Variants in DENND5B observed in about 807,000 individuals in gnomAD.
DENND5B encodes the protein DENN domain containing 5B, also known as DENN domain-containing protein 5B.
Under a neutral mutation model 140.6 loss-of-function variants are expected in DENND5B, and 34 were observed. The observed-to-expected ratio is 0.24, with a 90% CI of 0.18 to 0.32. The LOEUF (loss-of-function observed/expected upper bound fraction) is 0.32. DENND5B is among the 10% of genes least tolerant of loss of function. The pLI is 1.00. For missense variants in DENND5B, 1,142 were observed against 1,560.2 expected, an observed-to-expected ratio of 0.73 and a Z score of 4.52; for synonymous variants, 551 against 562.1, an observed-to-expected ratio of 0.98 and a Z score of 0.28.
intron 17 of DENND5B, 125 bp downstream of exon 17, chr12:31,398,050 A>C: frequency 2.1e-6 from 2 of 959,754 alleles, no homozygotes; most frequent in East Asian, 3.2e-5. Context: ...ATATTTATGA[A>C]TTTTCCTCAA....
At chr12:31,575,976 G>A (rs1180988187) in intron 1 of DENND5B, among the ~76,000 whole-genome samples, 3 of 150,138 alleles carry the variant, frequency 2.0e-5, no homozygotes, top group Non-Finnish European at 4.5e-5. Flanking sequence ...AAAACAGAAA[G>A]AAAGAAAGAA....
At chr12:31,574,295 A>AATAATAATAATAATAATAATAATAATT (rs374578025) in intron 1 of DENND5B, among the ~76,000 whole-genome samples, 40 of 144,594 alleles carry the variant, frequency 2.8e-4, no homozygotes, top group East Asian at 1.0e-3. Flanking sequence ...TAATAATAAT[A>AATAATAATAATAATAATAATAATAATT]ATTTAAAAGG....
At chr12:31,466,155 C>A (rs950408057) in intron 3 of DENND5B, among the ~76,000 whole-genome samples, 3 of 151,752 alleles carry the variant, frequency 2.0e-5, no homozygotes, top group East Asian at 1.9e-4. Flanking sequence ...GAGATCGAGA[C>A]CATCCTGGCC....
chr12:31,485,470 T>C (rs793173), intron 2 of DENND5B, among the ~76,000 whole-genome samples: 124,202 of 152,254 alleles, frequency 0.82, 50,989 homozygotes, highest in African/African-American at 0.89. Context: ...GTAATGGTTC[T>C]TATTTTGATT....
intron 1 of DENND5B, among the ~76,000 whole-genome samples, chr12:31,559,213 C>T (rs1386250368): frequency 1.3e-5 from 2 of 152,146 alleles, no homozygotes; most frequent in African/African-American, 4.8e-5. Flanking sequence ...AAACGATGAA[C>T]TCATGGCAAA....
chr12:31,463,640 C>T lies in DENND5B; in HGVS notation c.905-3259G>A, dbSNP rs114880893. 9.1e-3 allele frequency among the ~76,000 whole-genome samples: 1,379 copies of T among 152,222 alleles called. 21 individuals are homozygous for T. The highest frequency in any genetic ancestry group is 0.032 in the African/African-American group (1,336 of 41,540). On this transcript the variant is annotated intron_variant, in intron 3 of 20. Transcript: ENST00000389082. ...TTCCAGTTCTGTATTCTCTTCAAGA[C>T]TGGTTGAAGTACCACACACATTATT...
rs71062425 is a variant in DENND5B at position 31,404,759 on chromosome 12, C to CTTTTTTTTTTTTTTT, written c.2804-2131_2804-2117dup. ...ATAAGCCACCGCGTCCGACCTCTAG[C>CTTTTTTTTTTTTTTT]TTTTTTTTTTTTTTTTTGAGACAGA... On this transcript the variant is annotated intron_variant, in intron 14 of 20. Transcript: ENST00000389082. Among the ~76,000 whole-genome samples, 9 of 74,064 alleles carry CTTTTTTTTTTTTTTT rather than the reference C, an allele frequency of 1.2e-4. 3 individuals are homozygous for CTTTTTTTTTTTTTTT. Among genetic ancestry groups the CTTTTTTTTTTTTTTT allele is most frequent in the Non-Finnish European group, 1.5e-4 (6 of 41,048 alleles). 48.6% of individuals were successfully genotyped at this position (74,064 alleles called of 152,430 possible).
At chr12:31,460,040 A>G (rs1367013780) in intron 4 of DENND5B, among the ~76,000 whole-genome samples, 154 bp downstream of exon 4, 1 of 152,208 alleles carries the variant, frequency 6.6e-6, no homozygotes, top group Non-Finnish European at 1.5e-5. Context: ...AAGAGTCTGC[A>G]TTCTATAGCT....
At chr12:31,459,904 AT>A (rs936921532) in intron 4 of DENND5B, among the ~76,000 whole-genome samples, 3 of 152,166 alleles carry the variant, frequency 2.0e-5, no homozygotes, top group Admixed American at 6.6e-5. Context: ...AAGAAAAAAA[AT>A]ATGTTACTAG....
At chr12:31,448,135 G>GTT (rs536837626) in intron 5 of DENND5B, among the ~76,000 whole-genome samples, 2 of 145,808 alleles carry the variant, frequency 1.4e-5, no homozygotes, top group South Asian at 2.2e-4. Flanking sequence ...TTGTAATTTC[G>GTT]TTTTTTTTTT....
intron 1 of DENND5B, among the ~76,000 whole-genome samples, chr12:31,544,521 G>C (rs1948789011): frequency 6.6e-6 from 1 of 152,178 alleles, no homozygotes. Flanking sequence ...CTGGGCTCAA[G>C]TGATCCTCCC....
At chr12:31,413,347 A>T in intron 13 of DENND5B, 89 bp downstream of exon 13, 1 of 1,496,324 alleles carries the variant, frequency 6.7e-7, no homozygotes. Flanking sequence ...AGCACTTCAT[A>T]CTGAAGAAGC....
chr12:31,423,677 T>C lies in DENND5B; in HGVS notation c.2392-2A>G. ...ATGTGACCACAAAGCCGACTTCCCC[T>C]GAAAGTACAAGATGTGTAAAAATTT... On this transcript the variant is annotated splice_acceptor_variant, in intron 10 of 20. Transcript: ENST00000389082. LOFTEE classifies it high-confidence loss of function. 1 of 1,613,466 alleles carries C rather than the reference T, an allele frequency of 6.2e-7. No homozygotes were observed. The highest frequency in any genetic ancestry group is 8.5e-7 in the Non-Finnish European group (1 of 1,179,562).
At chr12:31,499,642 G>C in intron 1 of DENND5B, 2 of 1,506,246 alleles carry the variant, frequency 1.3e-6, no homozygotes, top group Non-Finnish European at 1.8e-6. Context: ...CTCTTGCCAT[G>C]ACGATCTGCT....
intron 16 of DENND5B, among the ~76,000 whole-genome samples, chr12:31,398,720 C>T (rs1176939001): frequency 1.3e-5 from 2 of 152,196 alleles, no homozygotes; most frequent in African/African-American, 4.8e-5. Context: ...TTTCCTCCCA[C>T]TGAAATTATT....
Position 31,399,444 on chromosome 12 carries a change from A to G in DENND5B, c.3068+210T>C, listed in dbSNP as rs527957376. ...CAAGCGTACACCACCATGCCCTGCT[A>G]ATTTTTTTTTATTTAGTAGAGATGG... On this transcript the variant is annotated intron_variant, in intron 16 of 20. Transcript: ENST00000389082. 1.3e-4 allele frequency among the ~76,000 whole-genome samples: 19 copies of G among 151,618 alleles called. No individual in the cohort carries two copies. The East Asian group carries it at 3.7e-3, about 30-fold the overall frequency.
intron 1 of DENND5B, among the ~76,000 whole-genome samples, chr12:31,498,834 A>G (rs931217058): frequency 2.6e-5 from 4 of 151,946 alleles, no homozygotes; most frequent in African/African-American, 7.3e-5. Flanking sequence ...TTAGCCAAGC[A>G]TGGTGGCATG....
chr12:31,438,736 C>T (rs1218918398), intron 7 of DENND5B, among the ~76,000 whole-genome samples: 1 of 96,712 alleles, frequency 1.0e-5, no homozygotes, highest in Non-Finnish European at 2.3e-5. Context: ...TTGAAAACAG[C>T]CCTGTAGCAA....
intron 1 of DENND5B, among the ~76,000 whole-genome samples, chr12:31,561,852 T>G (rs1035272161): frequency 2.0e-5 from 3 of 152,224 alleles, no homozygotes; most frequent in Non-Finnish European, 4.4e-5. Flanking sequence ...TGTAATAGAT[T>G]CATCAATCAT....
Sources: allele counts gnomAD v4.1 joint callset (sites outside exome capture counted in the v4.1 genomes callset), GRCh38; gene constraint gnomAD v4.1.1; transcripts MANE v1.5; gene names NCBI Gene and HGNC (gene_info 2026-07-23, HGNC 2026-07-21).